MARCHF1: variants seen among roughly 807,000 people sequenced by gnomAD.
MARCHF1 encodes the protein membrane associated ring-CH-type finger 1.
In MARCHF1, 40 loss-of-function variants were observed where a neutral mutation model predicts 54.2. The ratio of observed to expected loss-of-function variants is 0.74; its 90% CI spans 0.57 to 0.96. The LOEUF (loss-of-function observed/expected upper bound fraction) is 0.96. MARCHF1 is among the 40% of genes least tolerant of loss of function. MARCHF1 has a pLI of 0.00. For synonymous variants in MARCHF1, 236 were observed against 236.3 expected (o/e 1.00, Z 0.01); for missense variants, 586 against 656.5 (o/e 0.89, Z 1.17).
intron 2 of MARCHF1, among the ~76,000 whole-genome samples, chr4:164,040,418 C>A (rs1325840990): frequency 7.0e-6 from 1 of 142,744 alleles, no homozygotes; most frequent in Non-Finnish European, 1.5e-5. Flanking sequence ...ACTTATATAT[C>A]CTTGTATATA....
chr4:164,313,182 C>CAAA (rs140895798), intron 1 of MARCHF1, among the ~76,000 whole-genome samples: 30 of 119,344 alleles, frequency 2.5e-4, no homozygotes, highest in African/African-American at 8.7e-4. Context: ...ACTAAAAATA[C>CAAA]AAAAAAAAAA....
chr4:164,335,526 G>A (rs1729710607), intron 1 of MARCHF1, among the ~76,000 whole-genome samples: 1 of 150,888 alleles, frequency 6.6e-6, no homozygotes, highest in Non-Finnish European at 1.5e-5. Flanking sequence ...AGCTTGCAGT[G>A]AGCCGAGATT....
At chr4:163,540,872 G>A (rs1738699888) in intron 9 of MARCHF1, among the ~76,000 whole-genome samples, 1 of 152,084 alleles carries the variant, frequency 6.6e-6, no homozygotes, top group Non-Finnish European at 1.5e-5. Context: ...AAATTAGCTG[G>A]GCACGGTGAT....
chr4:163,963,403 G>C (rs1228774861), intron 3 of MARCHF1, among the ~76,000 whole-genome samples: 1 of 151,850 alleles, frequency 6.6e-6, no homozygotes, highest in Non-Finnish European at 1.5e-5. Context: ...GAAAACCGAT[G>C]ATACCGAGTT....
chr4:164,285,477 C>G (rs1734119322), intron 1 of MARCHF1, among the ~76,000 whole-genome samples: 2 of 152,106 alleles, frequency 1.3e-5, no homozygotes, highest in African/African-American at 4.8e-5. Context: ...GAGTTTCGCT[C>G]TGTCGCCCAG....
intron 2 of MARCHF1, among the ~76,000 whole-genome samples, chr4:164,059,240 G>A (rs756271844): frequency 5.9e-5 from 9 of 152,230 alleles, no homozygotes; most frequent in African/African-American, 2.2e-4. Flanking sequence ...CATTGATTCA[G>A]TTTGCTTTCT....
In MARCHF1 at chr4:163,528,579, T is replaced by G; in HGVS notation, c.*169A>C. ...TATTACTTCATGGGCTCCTGGGCAT[T>G]TGGTCTGTTTGTTTTTCTCCTTTCC... On this transcript the variant is annotated 3_prime_UTR_variant, in exon 10 of 10. Transcript: ENST00000514618. The G allele has an allele frequency of 1.6e-6, 1 of 632,158 alleles. No homozygotes were observed. The highest frequency in any genetic ancestry group is 2.7e-6 in the Non-Finnish European group (1 of 373,968). The allele number at this position is 632,158 out of a possible 1,614,324, so 39.2% of individuals were successfully genotyped here. A position where few individuals can be genotyped will look rare whatever the true frequency, so the allele number is the denominator to read the frequency against.
At chr4:163,882,861 C>T (rs1212098219) in intron 3 of MARCHF1, among the ~76,000 whole-genome samples, 2 of 152,052 alleles carry the variant, frequency 1.3e-5, no homozygotes, top group African/African-American at 4.8e-5. Context: ...TCTGTAGTCC[C>T]AGCTACTCAG....
At chr4:164,183,693 T>C (rs1730892773) in intron 1 of MARCHF1, among the ~76,000 whole-genome samples, 1 of 152,090 alleles carries the variant, frequency 6.6e-6, no homozygotes, top group African/African-American at 2.4e-5. Flanking sequence ...TGATGCAGCA[T>C]TGACAAGATA....
At chr4:163,887,200 G>A (rs1750557132) in intron 3 of MARCHF1, among the ~76,000 whole-genome samples, 1 of 152,002 alleles carries the variant, frequency 6.6e-6, no homozygotes. Context: ...AAAGAAAGAG[G>A]TAGATATGAT....
Position 163,527,120 on chromosome 4 carries a change from A to ATAAG in MARCHF1, c.*1624_*1627dup, listed in dbSNP as rs1035614626. The ATAAG allele has an allele frequency of 2.0e-5, 3 of 152,056 alleles. No homozygotes were observed. Among genetic ancestry groups the ATAAG allele is most frequent in the Admixed American group, 1.3e-4 (2 of 15,238 alleles). 9.4% of individuals were successfully genotyped at this position (152,056 alleles called of 1,614,324 possible). ...TAATAAATAATGACAGCTAACAAAA[A>ATAAG]TAAGTCACCTTTTTTAATGTAGGAC... is the stretch of plus-strand genomic sequence containing the variant. On this transcript the variant is annotated 3_prime_UTR_variant, in exon 10 of 10. Transcript: ENST00000514618.
At chr4:163,841,267 T>C (rs952279598) in intron 4 of MARCHF1, among the ~76,000 whole-genome samples, 9 of 151,958 alleles carry the variant, frequency 5.9e-5, no homozygotes, top group African/African-American at 1.9e-4. Context: ...ATATAAACAA[T>C]AGACTTTGAG....
intron 2 of MARCHF1, among the ~76,000 whole-genome samples, chr4:163,995,224 G>A (rs1753051261): frequency 6.6e-6 from 1 of 151,992 alleles, no homozygotes; most frequent in South Asian, 2.1e-4. Context: ...CAGAACTCAG[G>A]GAAATATTCA....
intron 4 of MARCHF1, among the ~76,000 whole-genome samples, chr4:163,791,203 C>G (rs1342455007): frequency 6.6e-6 from 1 of 152,056 alleles, no homozygotes; most frequent in African/African-American, 2.4e-5. Flanking sequence ...TGTACCACAC[C>G]TGATTTAGAA....
At chr4:164,140,484 A>G (rs7659701) in intron 1 of MARCHF1, among the ~76,000 whole-genome samples, 28,182 of 151,790 alleles carry the variant, frequency 0.19, 4,111 homozygotes, top group African/African-American at 0.39. Flanking sequence ...CCCACAGATT[A>G]CCTAAAGAAC....
intron 1 of MARCHF1, among the ~76,000 whole-genome samples, chr4:164,274,955 C>T (rs1447272839): frequency 2.0e-5 from 3 of 151,248 alleles, no homozygotes; most frequent in Non-Finnish European, 1.5e-5. Flanking sequence ...GAATTACAGG[C>T]GTAAGCCACC....
chr4:163,885,718 A>G (rs1750514990), intron 3 of MARCHF1, among the ~76,000 whole-genome samples: 1 of 151,896 alleles, frequency 6.6e-6, no homozygotes, highest in Non-Finnish European at 1.5e-5. Context: ...ATGTTTTTAT[A>G]ATGTACACAA....
At chr4:163,779,358 C>T (rs777443782) in intron 4 of MARCHF1, among the ~76,000 whole-genome samples, 5 of 152,092 alleles carry the variant, frequency 3.3e-5, no homozygotes, top group Non-Finnish European at 7.4e-5. Context: ...AGCTTCATCC[C>T]AGCTGGGAAA....
At position 163,864,376 on chromosome 4, in the gene MARCHF1, T is replaced by C. The variant is rs541586831; in HGVS notation, c.-38-10207A>G. 3.6e-4 allele frequency among the ~76,000 whole-genome samples: 55 copies of C among 151,574 alleles called. 1 individual carries two copies. The South Asian group carries it at 0.011, about 30-fold the overall frequency. On this transcript the variant is annotated intron_variant, in intron 3 of 9. Transcript: ENST00000514618. ...GAGGAACACTCTACAACAAACCTGATCAATAATCTTCAAAACTGTCACGGA... is the reference window on the plus strand; with the variant it reads ...GAGGAACACTCTACAACAAACCTGACCAATAATCTTCAAAACTGTCACGGA...
Sources: allele counts gnomAD v4.1 joint callset (sites outside exome capture counted in the v4.1 genomes callset), GRCh38; gene constraint gnomAD v4.1.1; transcripts MANE v1.5; gene names NCBI Gene and HGNC (gene_info 2026-07-23, HGNC 2026-07-21).